Variants in CACNB2 observed in about 807,000 individuals in gnomAD.
CACNB2 encodes the protein calcium voltage-gated channel auxiliary subunit beta 2.
In CACNB2, 42 loss-of-function variants were observed where a neutral mutation model predicts 73.3. That is an observed-to-expected ratio of 0.57 (90% confidence interval 0.45 to 0.74). The LOEUF (loss-of-function observed/expected upper bound fraction) is 0.74. CACNB2 is among the 30% of genes least tolerant of loss of function. The pLI is 0.00. For synonymous variants in CACNB2, 348 were observed against 310.3 expected (o/e 1.12, Z -1.28); for missense variants, 940 against 853.0 (o/e 1.10, Z -1.27).
intron 2 of CACNB2, among the ~76,000 whole-genome samples, chr10:18,379,074 G>A (rs2042914016): frequency 6.6e-6 from 1 of 151,994 alleles, no homozygotes; most frequent in South Asian, 2.1e-4. Context: ...GTTTTTTATT[G>A]TAAATTTTGA....
chr10:18,513,571 G>T (rs964540952), intron 6 of CACNB2: 8 of 384,842 alleles, frequency 2.1e-5, no homozygotes, highest in Non-Finnish European at 3.6e-5. Flanking sequence ...TGTTGATATT[G>T]CAAGTTGTCT....
intron 9 of CACNB2, 60 bp from the exon 10 acceptor site, chr10:18,527,528 T>TCTATC: frequency 2.8e-6 from 3 of 1,064,782 alleles, no homozygotes; most frequent in South Asian, 2.5e-5. Context: ...GGCATACACT[T>TCTATC]CTATCCCCTT....
At chr10:18,360,740 A>G (rs1016516561) in intron 2 of CACNB2, among the ~76,000 whole-genome samples, 5 of 152,170 alleles carry the variant, frequency 3.3e-5, no homozygotes, top group Admixed American at 6.5e-5. Flanking sequence ...CTCTTAGACG[A>G]CTTGCTGGCT....
At chr10:18,163,379 G>A (rs368720823) in intron 2 of CACNB2, among the ~76,000 whole-genome samples, 1 of 152,120 alleles carries the variant, frequency 6.6e-6, no homozygotes, top group African/African-American at 2.4e-5. Flanking sequence ...TGTTTGTTGG[G>A]CAACAAGAGA....
intron 2 of CACNB2, among the ~76,000 whole-genome samples, chr10:18,268,438 A>G (rs1406106452): frequency 6.6e-6 from 1 of 152,268 alleles, no homozygotes; most frequent in Non-Finnish European, 1.5e-5. Context: ...GCATATAGAC[A>G]TTAAAGAGAA....
chr10:18,202,144 A>G (rs1345603668), intron 2 of CACNB2, among the ~76,000 whole-genome samples: 1 of 152,210 alleles, frequency 6.6e-6, no homozygotes, highest in African/African-American at 2.4e-5. Context: ...CTTAAAATGG[A>G]ATTGACTTTC....
At chr10:18,386,211 T>C (rs1302042982) in intron 2 of CACNB2, among the ~76,000 whole-genome samples, 1 of 152,104 alleles carries the variant, frequency 6.6e-6, no homozygotes, top group Non-Finnish European at 1.5e-5. Flanking sequence ...AAACCGTTTC[T>C]TTTTCTGGGA....
At chr10:18,353,829 C>A (rs1270933012) in intron 2 of CACNB2, among the ~76,000 whole-genome samples, 2 of 152,174 alleles carry the variant, frequency 1.3e-5, no homozygotes, top group African/African-American at 2.4e-5. Context: ...CTAACTCTGA[C>A]AAAAGCCATT....
chr10:18,214,579 A>G (rs1169512890), intron 2 of CACNB2, among the ~76,000 whole-genome samples: 2 of 21,208 alleles, frequency 9.4e-5, no homozygotes, highest in East Asian at 1.6e-3. Context: ...GTGAGCCGAG[A>G]TAGCACCACT....
intron 1 of CACNB2, 119 bp downstream of exon 1, chr10:18,140,975 G>C: frequency 4.0e-6 from 6 of 1,517,744 alleles, no homozygotes; most frequent in Non-Finnish European, 5.3e-6. Flanking sequence ...TCCCCTCGTC[G>C]CCTGCCCACC....
chr10:18,398,485 A>G (rs1477828937), intron 2 of CACNB2, among the ~76,000 whole-genome samples: 1 of 152,154 alleles, frequency 6.6e-6, no homozygotes, highest in Non-Finnish European at 1.5e-5. Flanking sequence ...CCTGGGCAAC[A>G]TAGTGAGACC....
rs761564584 is a variant in CACNB2, at chr10:18,340,951, C to G, written c.214-60973C>G. 96 of 1,613,998 alleles carry G rather than the reference C, an allele frequency of 5.9e-5. No individual in the cohort carries two copies. Among genetic ancestry groups the G allele is most frequent in the Non-Finnish European group, 7.5e-5 (88 of 1,180,020 alleles). On this transcript the variant is annotated intron_variant, in intron 2 of 13. Transcript: ENST00000324631. Reference sequence around the variant, plus strand: ...CATGCTTGACAGACGCCTTATAGCTCCTCAAACTAAATACATTATTCCTGG... The same window carrying G: ...CATGCTTGACAGACGCCTTATAGCTGCTCAAACTAAATACATTATTCCTGG...
intron 3 of CACNB2, among the ~76,000 whole-genome samples, chr10:18,480,981 C>T (rs2048692309): frequency 6.6e-6 from 1 of 151,220 alleles, no homozygotes; most frequent in African/African-American, 2.4e-5. Flanking sequence ...CTTACGTACC[C>T]CTTGAGGTCC....
At chr10:18,263,788 A>G (rs1170951418) in intron 2 of CACNB2, among the ~76,000 whole-genome samples, 2 of 152,178 alleles carry the variant, frequency 1.3e-5, no homozygotes, top group Non-Finnish European at 2.9e-5. Context: ...TTACATTCAG[A>G]TTCAAAACTT....
At chr10:18,206,408 TG>T in intron 2 of CACNB2, 1 of 152,684 alleles carries the variant, frequency 6.5e-6, no homozygotes, top group Non-Finnish European at 1.5e-5. Context: ...GGCTATTGCC[TG>T]GGCATCCCTA....
chr10:18,396,566 G>A (rs2043723945), intron 2 of CACNB2, among the ~76,000 whole-genome samples: 1 of 151,972 alleles, frequency 6.6e-6, no homozygotes, highest in African/African-American at 2.4e-5. Context: ...CACCTCCAGG[G>A]TTCAAGCGAT....
chr10:18,428,830 C>G (rs974556944), intron 3 of CACNB2, among the ~76,000 whole-genome samples: 2 of 152,096 alleles, frequency 1.3e-5, no homozygotes, highest in Non-Finnish European at 2.9e-5. Context: ...TTCTTAAAAT[C>G]TAAAGTTAAC....
intron 2 of CACNB2, among the ~76,000 whole-genome samples, chr10:18,330,858 G>C (rs2040771727): frequency 1.3e-5 from 2 of 151,710 alleles, no homozygotes; most frequent in Admixed American, 6.6e-5. Flanking sequence ...TAGTGGTGAT[G>C]GGGTTTCATC....
chr10:18,438,916 A>G (rs2046282763), intron 3 of CACNB2, among the ~76,000 whole-genome samples: 1 of 152,244 alleles, frequency 6.6e-6, no homozygotes, highest in Non-Finnish European at 1.5e-5. Context: ...AGCAGAACAC[A>G]TCAGATTAAA....
Sources: gnomAD v4.1 joint callset for allele counts (sites outside exome capture counted in the v4.1 genomes callset) on GRCh38, gnomAD v4.1.1 for gene constraint, MANE v1.5 for transcripts, NCBI Gene and HGNC (gene_info 2026-07-23, HGNC 2026-07-21) for gene names.